Variants in DMRT1 observed in about 807,000 individuals in gnomAD.
DMRT1 encodes the protein doublesex and mab-3 related transcription factor 1.
DMRT1 carries 7 observed loss-of-function variants against 32.3 expected under a neutral mutation model. The ratio of observed to expected loss-of-function variants is 0.22; its 90% confidence interval spans 0.12 to 0.41. DMRT1 has a LOEUF of 0.41. Among genes scored for constraint, DMRT1 ranks in the 10% least tolerant of loss-of-function variants. DMRT1 has a pLI of 1.00. For missense variants in DMRT1, 625 were observed against 500.5 expected (o/e 1.25, Z -2.37); for synonymous variants, 278 against 206.1 (o/e 1.35, Z -2.99).
intron 2 of DMRT1, among the ~76,000 whole-genome samples, chr9:893,143 G>A (rs1817218188): frequency 6.6e-6 from 1 of 152,146 alleles, no homozygotes; most frequent in African/African-American, 2.4e-5. Context: ...ACGGCAGCTG[G>A]CAGACGTTTC....
intron 2 of DMRT1, among the ~76,000 whole-genome samples, chr9:864,694 G>A (rs1369079596): frequency 1.3e-5 from 2 of 150,544 alleles, no homozygotes; most frequent in Admixed American, 1.3e-4. Flanking sequence ...TAGAGACAGG[G>A]TTTCACCATG....
At chr9:856,514 T>C (rs1815407967) in intron 2 of DMRT1, among the ~76,000 whole-genome samples, 1 of 152,244 alleles carries the variant, frequency 6.6e-6, no homozygotes, top group Admixed American at 6.5e-5. Context: ...GTCTTACTTC[T>C]CTTACTTAGC....
intron 2 of DMRT1, among the ~76,000 whole-genome samples, chr9:864,704 G>A (rs567682096): frequency 1.3e-5 from 2 of 150,438 alleles, no homozygotes; most frequent in East Asian, 4.0e-4. Flanking sequence ...GTTTCACCAT[G>A]TTAGCCAGGA....
At chr9:949,549 G>A (rs1031736590) in intron 4 of DMRT1, among the ~76,000 whole-genome samples, 18 of 152,116 alleles carry the variant, frequency 1.2e-4, no homozygotes, top group Admixed American at 5.9e-4. Flanking sequence ...CTTACTGTCT[G>A]CTTTATTATT....
intron 2 of DMRT1, among the ~76,000 whole-genome samples, chr9:892,200 G>A (rs1168853439): frequency 6.6e-6 from 1 of 152,200 alleles, no homozygotes; most frequent in African/African-American, 2.4e-5. Context: ...CAGCCTGCTT[G>A]CTCTGTGATT....
At chr9:896,555 C>A (rs1167642742) in intron 3 of DMRT1, among the ~76,000 whole-genome samples, 1 of 152,124 alleles carries the variant, frequency 6.6e-6, no homozygotes, top group Non-Finnish European at 1.5e-5. Context: ...TGGCTCATGC[C>A]TGTATTCCTA....
intron 2 of DMRT1, among the ~76,000 whole-genome samples, chr9:874,501 C>T (rs945082868): frequency 1.3e-5 from 2 of 152,148 alleles, no homozygotes; most frequent in Non-Finnish European, 2.9e-5. Context: ...GAGGCACACA[C>T]AAGCCTTAAA....
intron 2 of DMRT1, among the ~76,000 whole-genome samples, chr9:878,250 G>A (rs1296125498): frequency 8.1e-6 from 1 of 122,916 alleles, no homozygotes; most frequent in Non-Finnish European, 1.6e-5. Context: ...GTAATCACAG[G>A]AGTGGCTGCA....
chr9:901,536 A>T lies in DMRT1; in HGVS notation c.822+7341A>T, dbSNP rs141142695. 3.1e-3 allele frequency among the ~76,000 whole-genome samples: 475 copies of T among 150,888 alleles called. 2 individuals are homozygous for T. The highest frequency in any genetic ancestry group is 0.011 in the African/African-American group (450 of 40,974). On this transcript the variant is annotated intron_variant, in intron 3 of 4. Coordinates refer to ENST00000382276, the MANE Select transcript of DMRT1 (RefSeq NM_021951.3). ...GAAACGGGGTTTCACCATGTTGGCC[A>T]GGCTGGTCTTGAGCTCCTGACCTCA...
In DMRT1 at chr9:968,187, C is replaced by G; in HGVS notation, c.*48C>G. ...GTTCACTTGGAGTAACAGGCTTATT[C>G]CACTTTCCATGGGGTTTGTTAATAT... On this transcript the variant is annotated 3_prime_UTR_variant, in exon 5 of 5. Transcript: ENST00000382276. The G allele has an allele frequency of 6.2e-7, 1 of 1,608,414 alleles. No homozygotes were observed. The highest frequency in any genetic ancestry group is 8.5e-7 in the Non-Finnish European group (1 of 1,177,100).
chr9:902,332 C>G (rs1037676787), intron 3 of DMRT1, among the ~76,000 whole-genome samples: 1 of 151,686 alleles, frequency 6.6e-6, no homozygotes, highest in Non-Finnish European at 1.5e-5. Context: ...TACACCCCCT[C>G]CTCCTCCACC....
At chr9:893,835 G>A in intron 2 of DMRT1, 77 bp from the exon 3 acceptor site, 3 of 1,402,300 alleles carry the variant, frequency 2.1e-6, no homozygotes, top group Non-Finnish European at 3.0e-6. Flanking sequence ...CAGGTCTTGG[G>A]TAGGAAGGTT....
intron 2 of DMRT1, among the ~76,000 whole-genome samples, chr9:854,676 G>A (rs1815311804): frequency 7.1e-6 from 1 of 140,260 alleles, no homozygotes; most frequent in African/African-American, 2.6e-5. Context: ...AATAGGAAAT[G>A]ATATTAGATT....
intron 2 of DMRT1, among the ~76,000 whole-genome samples, chr9:851,751 C>A (rs1486681095): frequency 2.6e-5 from 4 of 152,136 alleles, no homozygotes; most frequent in African/African-American, 9.7e-5. Context: ...TCTCTAAAAT[C>A]TTTAGCCAAA....
At chr9:868,861 T>C (rs913783945) in intron 2 of DMRT1, among the ~76,000 whole-genome samples, 3 of 151,968 alleles carry the variant, frequency 2.0e-5, no homozygotes, top group African/African-American at 7.2e-5. Flanking sequence ...AATAAAAAAA[T>C]TAGCTGGGTA....
At chr9:877,726 C>A (rs1434963885) in intron 2 of DMRT1, among the ~76,000 whole-genome samples, 1 of 152,312 alleles carries the variant, frequency 6.6e-6, no homozygotes, top group East Asian at 1.9e-4. Flanking sequence ...TACAATTAAA[C>A]AGCAGAATCA....
At chr9:876,646 C>T (rs564430034) in intron 2 of DMRT1, among the ~76,000 whole-genome samples, 126 of 152,138 alleles carry the variant, frequency 8.3e-4, no homozygotes, top group African/African-American at 2.7e-3. Flanking sequence ...TCCTTCCCCA[C>T]TCAGCCTCCT....
At chr9:950,484 T>C (rs1819393879) in intron 4 of DMRT1, among the ~76,000 whole-genome samples, 1 of 152,132 alleles carries the variant, frequency 6.6e-6, no homozygotes, top group Non-Finnish European at 1.5e-5. Flanking sequence ...TCTGAGTCTG[T>C]TTTTAAAATC....
chr9:945,845 T>A (rs1338909088), intron 4 of DMRT1, among the ~76,000 whole-genome samples: 1 of 152,064 alleles, frequency 6.6e-6, no homozygotes, highest in African/African-American at 2.4e-5. Flanking sequence ...GCTAAACTCT[T>A]GATGTGTGTT....
Sources: gnomAD v4.1 joint callset for allele counts (sites outside exome capture counted in the v4.1 genomes callset) on GRCh38, gnomAD v4.1.1 for gene constraint, MANE v1.5 for transcripts, NCBI Gene and HGNC (gene_info 2026-07-23, HGNC 2026-07-21) for gene names.